MSRA: variants seen among roughly 807,000 people sequenced by gnomAD.
MSRA encodes the protein methionine sulfoxide reductase A.
In MSRA, 54 loss-of-function variants were observed where a neutral mutation model predicts 31.3. The ratio of observed to expected loss-of-function variants is 1.73; its 90% CI spans 1.39 to 2.17. The LOEUF is 2.17. Ranked by LOEUF, MSRA falls within the 30% of genes most tolerant of loss-of-function variation. The pLI is 0.00. For synonymous variants in MSRA, 169 were observed against 116.5 expected, an observed-to-expected ratio of 1.45 and a Z score of -2.90; for missense variants, 507 against 300.9, an observed-to-expected ratio of 1.69 and a Z score of -5.07.
intron 1 of MSRA, among the ~76,000 whole-genome samples, chr8:10,087,090 G>A (rs1798598672): frequency 6.6e-6 from 1 of 152,158 alleles, no homozygotes; most frequent in South Asian, 2.1e-4. Context: ...ATTGTCACGT[G>A]TAAAGCATGG....
chr8:10,246,345 G>A (rs1753481682), intron 3 of MSRA, among the ~76,000 whole-genome samples: 1 of 152,090 alleles, frequency 6.6e-6, no homozygotes, highest in African/African-American at 2.4e-5. Context: ...TTACCTCTCT[G>A]GACTTGTTTC....
chr8:10,394,378 C>G (rs1806963910), intron 5 of MSRA, among the ~76,000 whole-genome samples: 1 of 152,210 alleles, frequency 6.6e-6, no homozygotes, highest in Non-Finnish European at 1.5e-5. Flanking sequence ...CCACCCCACC[C>G]CAGCTTTTCT....
chr8:10,320,412 G>A (rs1193828002), intron 5 of MSRA: 4 of 154,618 alleles, frequency 2.6e-5, no homozygotes, highest in African/African-American at 9.6e-5. Flanking sequence ...AGGCTGCAGT[G>A]ACCTGTGATT....
chr8:10,332,961 G>A (rs1372479071), intron 5 of MSRA, among the ~76,000 whole-genome samples: 4 of 152,236 alleles, frequency 2.6e-5, no homozygotes, highest in African/African-American at 9.6e-5. Flanking sequence ...CCCCTGTGCA[G>A]ATGCCGGTAT....
intron 5 of MSRA, among the ~76,000 whole-genome samples, chr8:10,341,543 A>G (rs1803427721): frequency 6.6e-6 from 1 of 152,154 alleles, no homozygotes; most frequent in Admixed American, 6.5e-5. Context: ...AGGGACATAT[A>G]TTTAAACCAT....
At chr8:10,397,054 A>G (rs532515822) in intron 5 of MSRA, among the ~76,000 whole-genome samples, 5 of 152,290 alleles carry the variant, frequency 3.3e-5, no homozygotes, top group African/African-American at 9.6e-5. Context: ...TAGAGCAGAG[A>G]CTGTGTCCTG....
chr8:10,300,805 A>G (rs1281331644), intron 3 of MSRA, among the ~76,000 whole-genome samples: 1 of 152,158 alleles, frequency 6.6e-6, no homozygotes, highest in Non-Finnish European at 1.5e-5. Flanking sequence ...TAAAAGAAAG[A>G]AGGACATGAA....
chr8:10,292,033 T>C (rs1350068558), intron 3 of MSRA, among the ~76,000 whole-genome samples: 1 of 152,196 alleles, frequency 6.6e-6, no homozygotes, highest in African/African-American at 2.4e-5. Flanking sequence ...AATGAATAAA[T>C]AAAATGGTGC....
intron 5 of MSRA, among the ~76,000 whole-genome samples, chr8:10,421,497 G>T (rs1808807792): frequency 6.6e-6 from 1 of 151,864 alleles, no homozygotes; most frequent in African/African-American, 2.4e-5. Flanking sequence ...TCCCAGGGTG[G>T]TATGAGAGCG....
chr8:10,127,190 C>T (rs1159184370), intron 1 of MSRA, among the ~76,000 whole-genome samples: 1 of 152,046 alleles, frequency 6.6e-6, no homozygotes, highest in East Asian at 1.9e-4. Flanking sequence ...TTTCTTTACT[C>T]TTCAAGTTTC....
At chr8:10,223,496 C>T (rs766136690) in intron 2 of MSRA, among the ~76,000 whole-genome samples, 4 of 152,152 alleles carry the variant, frequency 2.6e-5, no homozygotes, top group Admixed American at 6.5e-5. Context: ...TATTGGTTAT[C>T]GGCCACATTT....
intron 3 of MSRA, among the ~76,000 whole-genome samples, chr8:10,251,522 T>C (rs1406708057): frequency 6.6e-6 from 1 of 152,186 alleles, no homozygotes; most frequent in Non-Finnish European, 1.5e-5. Flanking sequence ...TCGCTTTTTA[T>C]TCCTCTTATT....
chr8:10,089,454 G>A (rs143666925), intron 1 of MSRA, among the ~76,000 whole-genome samples: 3 of 152,250 alleles, frequency 2.0e-5, no homozygotes, highest in Admixed American at 6.5e-5. Context: ...CCTCATATTT[G>A]TGAATTTGCC....
intron 5 of MSRA, among the ~76,000 whole-genome samples, chr8:10,401,995 A>G (rs1019389978): frequency 1.3e-5 from 2 of 152,240 alleles, no homozygotes; most frequent in Non-Finnish European, 2.9e-5. Flanking sequence ...ACAGCACTGT[A>G]AATGTACTTA....
chr8:10,393,570 C>T (rs570236779), intron 5 of MSRA, among the ~76,000 whole-genome samples: 2 of 152,176 alleles, frequency 1.3e-5, no homozygotes, highest in South Asian at 4.1e-4. Flanking sequence ...TGGACGGCTG[C>T]CTGGCAGCCA....
intron 5 of MSRA, among the ~76,000 whole-genome samples, chr8:10,394,425 A>G (rs961825827): frequency 6.6e-6 from 1 of 152,262 alleles, no homozygotes; most frequent in African/African-American, 2.4e-5. Flanking sequence ...TGTTGTATCA[A>G]AGATGAAAAT....
chr8:10,221,344 T>C (rs1810474993), intron 2 of MSRA, among the ~76,000 whole-genome samples: 2 of 152,054 alleles, frequency 1.3e-5, no homozygotes, highest in Admixed American at 1.3e-4. Context: ...TACCTTGCAA[T>C]GAAGAGGCTG....
chr8:10,213,433 T>G (rs926172095), intron 2 of MSRA, among the ~76,000 whole-genome samples: 2 of 64,780 alleles, frequency 3.1e-5, no homozygotes, highest in Admixed American at 1.8e-4. Context: ...CCACACTTTC[T>G]TTTTTTTTTT....
intron 2 of MSRA, among the ~76,000 whole-genome samples, chr8:10,224,788 C>G (rs117317688): frequency 1.3e-5 from 2 of 152,204 alleles, no homozygotes; most frequent in Non-Finnish European, 2.9e-5. Flanking sequence ...TTCCTGCACT[C>G]CTTAGTCTGA....
Sources: allele counts gnomAD v4.1 joint callset (sites outside exome capture counted in the v4.1 genomes callset), GRCh38; gene constraint gnomAD v4.1.1; transcripts MANE v1.5; gene names NCBI Gene and HGNC (gene_info 2026-07-23, HGNC 2026-07-21).